Variants in ADAMTSL1 observed in about 807,000 individuals in gnomAD.
The protein encoded by ADAMTSL1 is ADAMTS like 1.
ADAMTSL1 carries 126 observed loss-of-function variants against 201.8 expected under a neutral mutation model. That is an observed-to-expected ratio of 0.62 (90% confidence interval 0.54 to 0.72). The LOEUF (loss-of-function observed/expected upper bound fraction) is 0.72. Among genes scored for constraint, ADAMTSL1 ranks in the 30% least tolerant of loss-of-function variants. ADAMTSL1 has a pLI of 0.00. For missense variants in ADAMTSL1, 2,679 were observed against 2,277.8 expected, an observed-to-expected ratio of 1.18 and a Z score of -3.59; for synonymous variants, 1,121 against 903.4, an observed-to-expected ratio of 1.24 and a Z score of -4.32.
intron 2 of ADAMTSL1, among the ~76,000 whole-genome samples, chr9:18,375,935 G>T (rs993631757): frequency 2.0e-5 from 3 of 152,154 alleles, no homozygotes; most frequent in African/African-American, 4.8e-5. Flanking sequence ...AGCACTGATT[G>T]GTCCATTTTA....
At chr9:18,313,740 A>G (rs1178870985) in intron 2 of ADAMTSL1, among the ~76,000 whole-genome samples, 1 of 152,200 alleles carries the variant, frequency 6.6e-6, no homozygotes, top group Non-Finnish European at 1.5e-5. Context: ...TCCTAGAGGA[A>G]AGTATAGGGA....
intron 1 of ADAMTSL1, among the ~76,000 whole-genome samples, chr9:17,976,719 TC>T (rs1818465622): frequency 7.7e-6 from 1 of 130,516 alleles, no homozygotes; most frequent in Non-Finnish European, 1.6e-5. Context: ...TCTCCCTCCC[TC>T]CCCTCCCTCC....
chr9:18,883,953 A>G (rs1412525575), intron 23 of ADAMTSL1, among the ~76,000 whole-genome samples: 1 of 152,230 alleles, frequency 6.6e-6, no homozygotes, highest in Non-Finnish European at 1.5e-5. Flanking sequence ...TTGCTGGAGC[A>G]TATGATAATC....
At chr9:18,662,334 T>G (rs985438002) in intron 9 of ADAMTSL1, among the ~76,000 whole-genome samples, 62 of 152,324 alleles carry the variant, frequency 4.1e-4, no homozygotes, top group African/African-American at 1.4e-3. Context: ...TTTTCTCTTC[T>G]GATTTCCTTT....
chr9:18,294,101 T>TA (rs1310458750), intron 2 of ADAMTSL1, among the ~76,000 whole-genome samples: 3 of 152,174 alleles, frequency 2.0e-5, no homozygotes, highest in Non-Finnish European at 4.4e-5. Context: ...ACAGAGGCAT[T>TA]ACTGGGGATA....
At chr9:18,862,927 T>G (rs1178915868) in intron 23 of ADAMTSL1, among the ~76,000 whole-genome samples, 1 of 152,196 alleles carries the variant, frequency 6.6e-6, no homozygotes, top group Non-Finnish European at 1.5e-5. Context: ...AAGAGCCTAC[T>G]GGCAGAGAAG....
At chr9:18,715,743 G>C (rs1479584895) in intron 14 of ADAMTSL1, among the ~76,000 whole-genome samples, 1 of 151,674 alleles carries the variant, frequency 6.6e-6, no homozygotes, top group Non-Finnish European at 1.5e-5. Flanking sequence ...CTACTTTAAA[G>C]TTCATATGGA....
chr9:18,152,229 T>G (rs915392525), intron 1 of ADAMTSL1, among the ~76,000 whole-genome samples: 1 of 151,994 alleles, frequency 6.6e-6, no homozygotes, highest in Non-Finnish European at 1.5e-5. Flanking sequence ...GCAGGACCTC[T>G]GTGGATTCTG....
At chr9:18,525,631 C>A (rs1276987372) in intron 2 of ADAMTSL1, among the ~76,000 whole-genome samples, 2 of 152,132 alleles carry the variant, frequency 1.3e-5, no homozygotes, top group African/African-American at 4.8e-5. Context: ...CCCAGAGATT[C>A]TGGTATGTTG....
At chr9:18,181,351 T>C (rs910627312) in intron 2 of ADAMTSL1, among the ~76,000 whole-genome samples, 9 of 152,064 alleles carry the variant, frequency 5.9e-5, no homozygotes, top group East Asian at 3.9e-4. Context: ...GAACAGGCAA[T>C]CTACAAAATG....
At chr9:18,019,717 G>C (rs1820403192) in intron 1 of ADAMTSL1, among the ~76,000 whole-genome samples, 1 of 152,118 alleles carries the variant, frequency 6.6e-6, no homozygotes, top group South Asian at 2.1e-4. Flanking sequence ...GGACTTAGGG[G>C]AACAGAGACA....
intron 7 of ADAMTSL1, among the ~76,000 whole-genome samples, chr9:18,652,944 T>C (rs139354876): frequency 6.6e-6 from 1 of 152,340 alleles, no homozygotes; most frequent in East Asian, 1.9e-4. Flanking sequence ...TCCTAAGCCA[T>C]GTGTTCTTGA....
At chr9:18,111,149 G>A (rs1296395987) in intron 1 of ADAMTSL1, among the ~76,000 whole-genome samples, 1 of 152,036 alleles carries the variant, frequency 6.6e-6, no homozygotes, top group Non-Finnish European at 1.5e-5. Context: ...TGAGATTGAA[G>A]AATTTTCTCC....
At chr9:18,399,916 G>A (rs1227020830) in intron 2 of ADAMTSL1, among the ~76,000 whole-genome samples, 1 of 152,072 alleles carries the variant, frequency 6.6e-6, no homozygotes, top group South Asian at 2.1e-4. Flanking sequence ...GGAAAGGACT[G>A]TGTTTATACA....
In ADAMTSL1 at chr9:18,583,919, C is replaced by T. The variant is rs564035821; in HGVS notation, c.474+9653C>T. On this transcript the variant is annotated intron_variant, in intron 4 of 28. Coordinates refer to ENST00000380548, the MANE Select transcript of ADAMTSL1 (RefSeq NM_001040272.6). The stretch of plus-strand genomic sequence containing the variant: ...CAAATGCCTGTATCCCCATTGTGTC[C>T]GGAAATAACTAACGTGCTTTTGATT... Among the ~76,000 whole-genome samples, 26 of 152,188 alleles carry T rather than the reference C, an allele frequency of 1.7e-4. No individual in the cohort carries two copies. In the East Asian group the frequency reaches 2.1e-3, roughly 12 times the overall value.
chr9:18,162,586 A>T (rs532518719), intron 1 of ADAMTSL1, among the ~76,000 whole-genome samples: 1 of 152,124 alleles, frequency 6.6e-6, no homozygotes, highest in East Asian at 1.9e-4. Flanking sequence ...TGGATTGAGC[A>T]TCTTGATGAG....
chr9:18,270,965 AG>A (rs1409072545), intron 2 of ADAMTSL1, among the ~76,000 whole-genome samples: 1 of 152,186 alleles, frequency 6.6e-6, no homozygotes, highest in Non-Finnish European at 1.5e-5. Flanking sequence ...ACAAGATGGA[AG>A]GGGCCTGAGT....
intron 5 of ADAMTSL1, among the ~76,000 whole-genome samples, chr9:18,633,756 A>G (rs1826931829): frequency 6.6e-6 from 1 of 152,050 alleles, no homozygotes; most frequent in Non-Finnish European, 1.5e-5. Flanking sequence ...GACATTAAAA[A>G]CAGCTATAAG....
At position 18,543,985 on chromosome 9, in the gene ADAMTSL1, T is replaced by G. The variant is rs78025895; in HGVS notation, c.237+10693T>G. Among the ~76,000 whole-genome samples, 1,148 of 152,308 alleles carry G rather than the reference T, an allele frequency of 7.5e-3. 11 individuals carry two copies. The highest frequency in any genetic ancestry group is 0.045 in the East Asian group (232 of 5,180). On this transcript the variant is annotated intron_variant, in intron 3 of 28. Transcript: ENST00000380548. ...TCAATTTCTTATCCTCTGCTTCAAC[T>G]CTGACTCTCTCGGGAGGGTTCTGGT...
Sources: allele counts gnomAD v4.1 joint callset (sites outside exome capture counted in the v4.1 genomes callset), GRCh38; gene constraint gnomAD v4.1.1; transcripts MANE v1.5; gene names NCBI Gene and HGNC (gene_info 2026-07-23, HGNC 2026-07-21).